The following NAALADL2 variants were observed in gnomAD, a reference collection of about 807,000 sequenced individuals.
NAALADL2 encodes the protein N-acetylated alpha-linked acidic dipeptidase like 2, also known as inactive N-acetylated-alpha-linked acidic dipeptidase-like protein 2.
Under a neutral mutation model 87.2 loss-of-function variants are expected in NAALADL2, and 76 were observed. The ratio of observed to expected loss-of-function variants is 0.87; its 90% CI spans 0.72 to 1.05. The LOEUF (loss-of-function observed/expected upper bound fraction) is 1.05, where lower values mean the gene tolerates loss of function less well. NAALADL2 is among the 50% of genes least tolerant of loss of function. The probability of loss-of-function intolerance (pLI) is 0.00; values close to 1 mark genes in which losing one functional copy is unlikely to be tolerated. For synonymous variants in NAALADL2, 354 were observed against 331.0 expected (o/e 1.07, Z -0.75); for missense variants, 1,089 against 945.8 (o/e 1.15, Z -1.99).
chr3:174,751,343 T>A (rs1240147201), intron 3 of NAALADL2, among the ~76,000 whole-genome samples: 1 of 152,108 alleles, frequency 6.6e-6, no homozygotes, highest in Admixed American at 6.6e-5. Context: ...ATTAATATTA[T>A]AAAAGTATTA....
At chr3:174,733,863 A>G (rs1732937343) in intron 2 of NAALADL2, among the ~76,000 whole-genome samples, 1 of 152,176 alleles carries the variant, frequency 6.6e-6, no homozygotes, top group African/African-American at 2.4e-5. Flanking sequence ...ATGATGAATG[A>G]GGGGTCTGGC....
intron 1 of NAALADL2, among the ~76,000 whole-genome samples, chr3:175,062,540 G>T (rs2109089495): frequency 6.7e-6 from 1 of 150,334 alleles, no homozygotes; most frequent in South Asian, 2.1e-4. Context: ...AACTGTGAAT[G>T]ACATTTGAAA....
At chr3:174,534,968 A>T (rs1721599176) in intron 1 of NAALADL2, among the ~76,000 whole-genome samples, 1 of 152,218 alleles carries the variant, frequency 6.6e-6, no homozygotes, top group Non-Finnish European at 1.5e-5. Flanking sequence ...GTCTGGAGTT[A>T]CACTATAGCT....
chr3:174,494,391 G>C (rs111665063), intron 1 of NAALADL2, among the ~76,000 whole-genome samples: 1 of 150,468 alleles, frequency 6.6e-6, no homozygotes, highest in Non-Finnish European at 1.5e-5. Flanking sequence ...TTCAAACACC[G>C]CATGTTCTCA....
At chr3:175,631,936 A>G (rs554780555) in intron 11 of NAALADL2, among the ~76,000 whole-genome samples, 1 of 152,232 alleles carries the variant, frequency 6.6e-6, no homozygotes, top group East Asian at 1.9e-4. Flanking sequence ...TCAGCAAGAC[A>G]CTTGCAATAC....
chr3:175,208,483 G>T (rs1176051161), intron 2 of NAALADL2, among the ~76,000 whole-genome samples: 1 of 152,082 alleles, frequency 6.6e-6, no homozygotes, highest in African/African-American at 2.4e-5. Flanking sequence ...AGTTGTCTCT[G>T]CCTTTAGTGG....
At chr3:175,105,134 G>T (rs1029386952) in intron 2 of NAALADL2, among the ~76,000 whole-genome samples, 4 of 152,078 alleles carry the variant, frequency 2.6e-5, no homozygotes, top group African/African-American at 9.7e-5. Flanking sequence ...TGGCTCAGGT[G>T]CCCACTCCTT....
intron 11 of NAALADL2, among the ~76,000 whole-genome samples, chr3:175,673,451 C>T (rs537452189): frequency 6.6e-6 from 1 of 152,060 alleles, no homozygotes; most frequent in East Asian, 1.9e-4. Flanking sequence ...GTTGATAGAT[C>T]TATGTATCAG....
intron 13 of NAALADL2, among the ~76,000 whole-genome samples, chr3:175,796,027 C>A (rs1753435079): frequency 8.3e-6 from 1 of 120,762 alleles, no homozygotes; most frequent in African/African-American, 5.0e-5. Flanking sequence ...GGCTAACTAA[C>A]CCCTTATTGT....
At chr3:174,934,769 A>T (rs775756034) in intron 1 of NAALADL2, among the ~76,000 whole-genome samples, 4 of 152,186 alleles carry the variant, frequency 2.6e-5, no homozygotes, top group Non-Finnish European at 4.4e-5. Context: ...TTCTTGTCTC[A>T]AAGAATGCAC....
At chr3:174,534,206 A>T (rs972469146) in intron 1 of NAALADL2, among the ~76,000 whole-genome samples, 3 of 152,204 alleles carry the variant, frequency 2.0e-5, no homozygotes, top group Admixed American at 1.3e-4. Flanking sequence ...GAAACCATTT[A>T]AATAAAACTA....
chr3:175,471,965 G>A (rs1724974462), intron 9 of NAALADL2, among the ~76,000 whole-genome samples: 1 of 151,316 alleles, frequency 6.6e-6, no homozygotes, highest in Admixed American at 6.6e-5. Flanking sequence ...CTCTTTTATG[G>A]TCATATTTCT....
chr3:174,651,371 G>T (rs1212358009), intron 2 of NAALADL2, among the ~76,000 whole-genome samples: 1 of 152,140 alleles, frequency 6.6e-6, no homozygotes, highest in South Asian at 2.1e-4. Flanking sequence ...AAAACTTGGA[G>T]TGGATACATG....
At chr3:174,841,996 G>A (rs1487944260) in intron 3 of NAALADL2, among the ~76,000 whole-genome samples, 2 of 151,544 alleles carry the variant, frequency 1.3e-5, no homozygotes, top group African/African-American at 4.9e-5. Context: ...TGTGTGTGAA[G>A]CTTTTAATTG....
intron 9 of NAALADL2, among the ~76,000 whole-genome samples, chr3:175,481,678 C>A (rs142778939): frequency 6.6e-6 from 1 of 151,816 alleles, no homozygotes; most frequent in African/African-American, 2.4e-5. Context: ...TCATAATAGC[C>A]CAAACAACCT....
intron 9 of NAALADL2, among the ~76,000 whole-genome samples, chr3:175,532,001 GCTTCCATTCGGCCTTTTCCA>G (rs1414705281): frequency 6.6e-6 from 1 of 152,128 alleles, no homozygotes; most frequent in Non-Finnish European, 1.5e-5. Context: ...AGCTCTAAAG[GCTTCCATTCGGCCTTTTCCA>G]CCCTAATAGC....
intron 5 of NAALADL2, among the ~76,000 whole-genome samples, chr3:175,426,892 T>C (rs1235857947): frequency 6.6e-6 from 1 of 152,190 alleles, no homozygotes; most frequent in Non-Finnish European, 1.5e-5. Flanking sequence ...ATTTGTAGGA[T>C]GCACAATTCC....
At chr3:174,625,091 C>G (rs1446091586) in intron 2 of NAALADL2, among the ~76,000 whole-genome samples, 2 of 104,114 alleles carry the variant, frequency 1.9e-5, no homozygotes, top group African/African-American at 7.2e-5. Flanking sequence ...CAGGGTCTTT[C>G]TCTGTCACCT....
intron 2 of NAALADL2, among the ~76,000 whole-genome samples, chr3:174,551,575 A>G (rs1474967418): frequency 1.3e-5 from 2 of 152,198 alleles, no homozygotes; most frequent in Non-Finnish European, 2.9e-5. Context: ...TCTTGAGTGT[A>G]GTGGAGGCTA....
Sources: allele counts gnomAD v4.1 joint callset (sites outside exome capture counted in the v4.1 genomes callset), GRCh38; gene constraint gnomAD v4.1.1; transcripts MANE v1.5; gene names NCBI Gene and HGNC (gene_info 2026-07-23, HGNC 2026-07-21).